GFPT1: variants seen among roughly 807,000 people sequenced by gnomAD.
The protein encoded by GFPT1 is glutamine--fructose-6-phosphate transaminase 1, also known as glutamine--fructose-6-phosphate aminotransferase [isomerizing] 1.
A neutral mutation model predicts 92.0 loss-of-function variants in GFPT1; 40 were observed. That is an observed-to-expected ratio of 0.43 (90% CI 0.34 to 0.57). GFPT1 has a LOEUF of 0.57. Ranked by LOEUF, GFPT1 falls within the 20% of genes least tolerant of loss-of-function variation. The pLI is 0.02. For missense variants in GFPT1, 448 were observed against 869.1 expected (o/e 0.52, Z 6.09); for synonymous variants, 269 against 280.6 (o/e 0.96, Z 0.41).
chr2:69,335,542 T>TA (rs1670774297), intron 15 of GFPT1, among the ~76,000 whole-genome samples: 1 of 152,106 alleles, frequency 6.6e-6, no homozygotes, highest in African/African-American at 2.4e-5. Context: ...CTGTTATAAA[T>TA]AAAGAGCCTC....
At chr2:69,365,731 T>A (rs1434829905) in intron 3 of GFPT1, among the ~76,000 whole-genome samples, 1 of 152,208 alleles carries the variant, frequency 6.6e-6, no homozygotes, top group Non-Finnish European at 1.5e-5. Flanking sequence ...TAAGGCAACC[T>A]GATAAATGAC....
chr2:69,348,753 A>G (rs1204285733), intron 10 of GFPT1, among the ~76,000 whole-genome samples: 3 of 152,156 alleles, frequency 2.0e-5, no homozygotes, highest in Admixed American at 6.6e-5. Flanking sequence ...CTCTCCGTCC[A>G]TCCTCCATTT....
At chr2:69,348,091 G>T (rs577576665) in intron 11 of GFPT1, 80 bp downstream of exon 11, 47 of 1,106,962 alleles carry the variant, frequency 4.2e-5, no homozygotes, top group Admixed American at 3.4e-4. Flanking sequence ...TTCATTACTA[G>T]ATTTAATATG....
chr2:69,365,848 GC>G (rs1671597745), intron 3 of GFPT1, among the ~76,000 whole-genome samples: 1 of 151,612 alleles, frequency 6.6e-6, no homozygotes, highest in Non-Finnish European at 1.5e-5. Flanking sequence ...TTGCTCTTGT[GC>G]CCAAGCTGGA....
intron 12 of GFPT1, among the ~76,000 whole-genome samples, chr2:69,344,508 G>A (rs1671036779): frequency 6.6e-6 from 1 of 152,148 alleles, no homozygotes; most frequent in African/African-American, 2.4e-5. Context: ...TACATGGGGA[G>A]TAGTTTGGTT....
rs1361564297 is a variant in GFPT1 at position 69,326,055 on chromosome 2, T to A, written c.*134A>T. 3.1e-6 allele frequency: 2 copies of A among 643,546 alleles called. No individual in the cohort carries two copies. Among genetic ancestry groups the A allele is most frequent in the Non-Finnish European group, 5.5e-6 (2 of 363,656 alleles). 39.9% of individuals were successfully genotyped at this position (643,546 alleles called of 1,614,324 possible). On this transcript the variant is annotated 3_prime_UTR_variant, in exon 20 of 20. Transcript: ENST00000357308. Reference sequence around the variant, plus strand: ...AAAAATCACATATTGAGTGGAATAATTATAACTGATATATAAATAAGGATT... The same window carrying A: ...AAAAATCACATATTGAGTGGAATAAATATAACTGATATATAAATAAGGATT...
At chr2:69,376,597 C>T (rs1245710028) in intron 1 of GFPT1, among the ~76,000 whole-genome samples, 1 of 151,936 alleles carries the variant, frequency 6.6e-6, no homozygotes, top group Non-Finnish European at 1.5e-5. Context: ...CTAGAGTCCA[C>T]TAAAGGAGGA....
rs779049805 is a variant in GFPT1 at position 69,321,468 on chromosome 2, C to G, written c.*4721G>C. ...TAGTACAATACAATTTCTAACATAA[C>G]TACAAATGTGTATACACTTCAAATA... is the stretch of plus-strand genomic sequence containing the variant. On this transcript the variant is annotated 3_prime_UTR_variant, in exon 20 of 20. Coordinates refer to ENST00000357308, the MANE Select transcript of GFPT1 (RefSeq NM_001244710.2). 6.6e-6 allele frequency: 1 copy of G among 152,184 alleles called. No individual in the cohort carries two copies. The highest frequency in any genetic ancestry group is 6.5e-5 in the Admixed American group (1 of 15,278). 9.4% of individuals were successfully genotyped at this position (152,184 alleles called of 1,614,324 possible).
At chr2:69,330,352 C>T (rs1344855315) in intron 15 of GFPT1, among the ~76,000 whole-genome samples, 1 of 152,128 alleles carries the variant, frequency 6.6e-6, no homozygotes, top group Non-Finnish European at 1.5e-5. Context: ...CCATTGAATG[C>T]TTATAAAATT....
chr2:69,357,507 G>A, intron 6 of GFPT1, among the ~76,000 whole-genome samples: 1 of 152,144 alleles, frequency 6.6e-6, no homozygotes, highest in East Asian at 1.9e-4. Context: ...AGAAAAGGCT[G>A]GGAAGGCACA....
At chr2:69,367,029 A>C (rs1558770299) in intron 3 of GFPT1, among the ~76,000 whole-genome samples, 1 of 152,378 alleles carries the variant, frequency 6.6e-6, no homozygotes, top group East Asian at 1.9e-4. Flanking sequence ...AAGATCTAAA[A>C]TGTAAAAAAT....
intron 2 of GFPT1, among the ~76,000 whole-genome samples, chr2:69,373,093 C>T (rs2104686470): frequency 6.6e-6 from 1 of 152,304 alleles, no homozygotes; most frequent in African/African-American, 2.4e-5. Context: ...CAGCTTGTGC[C>T]TAGCTTTCTC....
intron 12 of GFPT1, 65 bp from the exon 13 acceptor site, chr2:69,342,314 TTG>T: frequency 1.1e-6 from 1 of 946,956 alleles, no homozygotes; most frequent in Non-Finnish European, 1.7e-6. Flanking sequence ...CAATCGCATT[TTG>T]TGAGTATCCA....
In GFPT1 at chr2:69,329,798, C is replaced by A. The variant is rs1438504838; in HGVS notation, c.1483G>T (p.Ala495Ser). Residue 495 changes from alanine to serine, a missense_variant and splice_region_variant, in exon 16 of 20, where the codon GCT (alanine) becomes TCT (serine). Coordinates refer to ENST00000357308, the MANE Select transcript of GFPT1 (RefSeq NM_001244710.2). Reference protein sequence around the residue: ...GPEIGVASTKAYTSQFVSLVM... With the variant: ...GPEIGVASTKSYTSQFVSLVM... The stretch of plus-strand genomic sequence containing the variant: ...AGGGATACAAACTGGCTGGTATAAG[C>A]CTGAAACATCACAAAAAAGCAGGAC... 1.3e-6 allele frequency: 2 copies of A among 1,497,436 alleles called. No individual in the cohort carries two copies. The highest frequency in any genetic ancestry group is 1.9e-6 in the Non-Finnish European group (2 of 1,073,436). 92.8% of individuals were successfully genotyped at this position (1,497,436 alleles called of 1,614,324 possible). A position where few individuals can be genotyped will look rare whatever the true frequency, so the allele number is the denominator to read the frequency against.
rs764153815 is a variant in GFPT1, at chr2:69,354,247, T to G, written c.739+12A>C. ...TAAGATCCTCCCCATCCATGCAGAG[T>G]GCATTTCCCACCTCTTTCTCCCTGT... is the stretch of plus-strand genomic sequence containing the variant. On this transcript the variant is annotated intron_variant, in intron 9 of 19. Coordinates refer to ENST00000357308, the MANE Select transcript of GFPT1 (RefSeq NM_001244710.2). 2 of 1,563,088 alleles carry G rather than the reference T, an allele frequency of 1.3e-6. No individual in the cohort carries two copies. The highest frequency in any genetic ancestry group is 3.4e-5 in the Admixed American group (2 of 58,514).
chr2:69,375,116 T>C (rs1411867254), intron 1 of GFPT1, among the ~76,000 whole-genome samples: 1 of 152,172 alleles, frequency 6.6e-6, no homozygotes, highest in African/African-American at 2.4e-5. Context: ...TCCACACTTT[T>C]AGGAATGGCA....
rs547732187 is a variant in GFPT1 at position 69,338,584 on chromosome 2, T to C, written c.1204-19A>G. Reference sequence around the variant, plus strand: ...GACGTGTCTGCAGAGAAAATATGACTTGGTCACAGAACTTTCCTTCAAATA... The same window carrying C: ...GACGTGTCTGCAGAGAAAATATGACCTGGTCACAGAACTTTCCTTCAAATA... On this transcript the variant is annotated intron_variant, in intron 13 of 19. Transcript: ENST00000357308. 1.9e-5 allele frequency: 31 copies of C among 1,613,594 alleles called. No homozygotes were observed. Among genetic ancestry groups the C allele is most frequent in the Non-Finnish European group, 2.5e-5 (29 of 1,179,506 alleles).
chr2:69,379,200 T>C (rs1489850842), intron 1 of GFPT1, among the ~76,000 whole-genome samples: 3 of 152,198 alleles, frequency 2.0e-5, no homozygotes, highest in Non-Finnish European at 4.4e-5. Context: ...ACTACTGTTA[T>C]TCCCATACAC....
rs143036820 is a variant in GFPT1, at chr2:69,363,665, G to T, written c.229C>A (p.Gln77Lys). Residue 77 changes from glutamine (Q) to lysine (K), a missense_variant, in exon 4 of 20, where the codon CAA becomes AAA. Transcript: ENST00000357308. Reference protein sequence around the residue: ...KALDEEVHKQQDMDLDIEFDV... With the variant: ...KALDEEVHKQKDMDLDIEFDV... ...AATTCTATATCCAAATCCATATCTT[G>T]TTGCTCTGAAGAATATGAAAAGAAA... is the stretch of plus-strand genomic sequence containing the variant. 1.5e-5 allele frequency: 24 copies of T among 1,603,138 alleles called. No homozygotes were observed. In the African/African-American group the frequency reaches 2.4e-4, roughly 16 times the overall value.
Sources: allele counts gnomAD v4.1 joint callset (sites outside exome capture counted in the v4.1 genomes callset), GRCh38; gene constraint gnomAD v4.1.1; transcripts MANE v1.5; gene names NCBI Gene and HGNC (gene_info 2026-07-23, HGNC 2026-07-21).